The following DST variants were observed in gnomAD, a reference collection of about 807,000 sequenced individuals.
The protein encoded by DST is bullous pemphigoid antigen.
In DST, 253 loss-of-function variants were observed where a neutral mutation model predicts 875.2. That is an observed-to-expected ratio of 0.29 (90% CI 0.26 to 0.32). The LOEUF (loss-of-function observed/expected upper bound fraction) is 0.32, where lower values mean the gene tolerates loss of function less well. DST is among the 10% of genes least tolerant of loss of function. The pLI is 1.00. For missense variants in DST, 8,287 were observed against 9,111.6 expected (o/e 0.91, Z 3.68); for synonymous variants, 3,124 against 3,197.1 (o/e 0.98, Z 0.77).
chr6:56,674,830 T>C (rs920174619), intron 9 of DST, among the ~76,000 whole-genome samples: 1 of 152,202 alleles, frequency 6.6e-6, no homozygotes, highest in Non-Finnish European at 1.5e-5. Flanking sequence ...AAAATGTCCA[T>C]ACTAGCCAAA....
rs1191336671 is a variant in DST, at chr6:56,597,902, G to A, written c.12033C>T (p.His4011=). The part of the protein sequence containing the change: ...DKDSERAGTK[H]KQVIEQNGTH... ...TCCCGTTCTGTTCGATTACCTGTTTGTGTTTTGTCCCTGCCCTTTCTGAGT... is the reference window on the plus strand; with the variant it reads ...TCCCGTTCTGTTCGATTACCTGTTTATGTTTTGTCCCTGCCCTTTCTGAGT... The change falls in exon 47 of 104, where the codon CAC becomes CAT. Residue 4011 remains histidine (H), a synonymous_variant. Coordinates refer to ENST00000680361, the MANE Select transcript of DST (RefSeq NM_001374736.1). 6.2e-7 allele frequency: 1 copy of A among 1,613,722 alleles called. No homozygotes were observed. The highest frequency in any genetic ancestry group is 1.7e-5 in the Admixed American group (1 of 60,010).
intron 2 of DST, among the ~76,000 whole-genome samples, chr6:56,953,019 G>A (rs1353314088): frequency 1.3e-5 from 2 of 152,198 alleles, no homozygotes; most frequent in African/African-American, 2.4e-5. Flanking sequence ...AATGGAGGGC[G>A]TTTAACTATG....
chr6:56,554,811 C>T (rs2097379715), intron 60 of DST, among the ~76,000 whole-genome samples: 1 of 152,158 alleles, frequency 6.6e-6, no homozygotes, highest in African/African-American at 2.4e-5. Context: ...CTTTCTTCAT[C>T]AGGGCTTTCT....
At chr6:56,871,671 G>T in intron 3 of DST, 2 of 695,860 alleles carry the variant, frequency 2.9e-6, no homozygotes, top group South Asian at 2.8e-5. Context: ...TCCTAAACCA[G>T]AAGAGGGGGT....
At chr6:56,934,225 A>T (rs1811681571) in intron 2 of DST, among the ~76,000 whole-genome samples, 2 of 152,026 alleles carry the variant, frequency 1.3e-5, no homozygotes, top group Non-Finnish European at 2.9e-5. Flanking sequence ...ACTTTTTAAG[A>T]TGGGATGCTA....
chr6:56,682,833 G>C (rs2099163268), intron 9 of DST, among the ~76,000 whole-genome samples: 2 of 152,168 alleles, frequency 1.3e-5, no homozygotes. Context: ...TCAAAAAACA[G>C]CTGAAAAGGA....
At chr6:56,600,311 G>A (rs982361994) in intron 44 of DST, 90 bp from the exon 45 acceptor site, 5 of 1,284,000 alleles carry the variant, frequency 3.9e-6, no homozygotes, top group Non-Finnish European at 5.5e-6. Context: ...CATTTTCCAA[G>A]TTTTGTCTAA....
At chr6:56,636,422 A>ATGTGTATATGTATG in intron 23 of DST, 135 bp downstream of exon 23, 1 of 687,410 alleles carries the variant, frequency 1.5e-6, no homozygotes, top group African/African-American at 1.8e-5. Flanking sequence ...ACACACATAT[A>ATGTGTATATGTATG]TGTGTATATA....
intron 5 of DST, among the ~76,000 whole-genome samples, chr6:56,710,541 A>G (rs1432847843): frequency 6.6e-6 from 1 of 152,256 alleles, no homozygotes; most frequent in East Asian, 1.9e-4. Context: ...TTCATAAAAA[A>G]TTAGCTGTCA....
intron 61 of DST, among the ~76,000 whole-genome samples, chr6:56,549,007 G>A (rs2097274651): frequency 2.0e-5 from 3 of 152,132 alleles, no homozygotes; most frequent in South Asian, 2.1e-4. Context: ...AAACATGAAC[G>A]AATGAATTTT....
At chr6:56,720,361 T>G (rs1365007518) in intron 5 of DST, among the ~76,000 whole-genome samples, 2 of 151,778 alleles carry the variant, frequency 1.3e-5, no homozygotes, top group Non-Finnish European at 2.9e-5. Flanking sequence ...TTTTTTTTTT[T>G]TTTTTAGTAT....
intron 3 of DST, among the ~76,000 whole-genome samples, chr6:56,885,590 T>C (rs917074823): frequency 6.6e-6 from 1 of 152,172 alleles, no homozygotes; most frequent in Non-Finnish European, 1.5e-5. Context: ...GAAGTGATTA[T>C]GTCATGGGGG....
intron 4 of DST, chr6:56,843,137 A>G: frequency 6.4e-7 from 1 of 1,557,800 alleles, no homozygotes; most frequent in South Asian, 1.2e-5. Context: ...GGGAGAGGTA[A>G]CCCGCCATGC....
intron 4 of DST, among the ~76,000 whole-genome samples, chr6:56,754,113 T>C (rs781038104): frequency 4.6e-5 from 7 of 152,166 alleles, no homozygotes; most frequent in Non-Finnish European, 1.0e-4. Context: ...CTTTTAGCAA[T>C]AGGAATAAGA....
chr6:56,838,741 C>A (rs913157527), intron 4 of DST, among the ~76,000 whole-genome samples: 1 of 152,212 alleles, frequency 6.6e-6, no homozygotes, highest in Admixed American at 6.5e-5. Flanking sequence ...CATATACACT[C>A]CTTATTGTGT....
chr6:56,943,342 T>C (rs1285968348), intron 2 of DST, among the ~76,000 whole-genome samples: 1 of 151,870 alleles, frequency 6.6e-6, no homozygotes, highest in Non-Finnish European at 1.5e-5. Flanking sequence ...ATATCAAACT[T>C]TGATTTAAAA....
At chr6:56,927,176 C>T (rs1197919116) in intron 2 of DST, among the ~76,000 whole-genome samples, 1 of 152,088 alleles carries the variant, frequency 6.6e-6, no homozygotes, top group Non-Finnish European at 1.5e-5. Flanking sequence ...GCAGAACACA[C>T]AAACATCATT....
chr6:56,771,930 T>C (rs1008885404), intron 4 of DST, among the ~76,000 whole-genome samples: 1 of 152,204 alleles, frequency 6.6e-6, no homozygotes, highest in African/African-American at 2.4e-5. Flanking sequence ...ACTAGACATG[T>C]ACTTTGGCCT....
At chr6:56,656,970 T>C (rs948462652) in intron 10 of DST, among the ~76,000 whole-genome samples, 5 of 152,154 alleles carry the variant, frequency 3.3e-5, no homozygotes, top group Non-Finnish European at 7.3e-5. Context: ...TACCAATGTT[T>C]CCCACACTTG....
Sources: allele counts gnomAD v4.1 joint callset (sites outside exome capture counted in the v4.1 genomes callset), GRCh38; gene constraint gnomAD v4.1.1; transcripts MANE v1.5; gene names NCBI Gene and HGNC (gene_info 2026-07-23, HGNC 2026-07-21).